Variants in DDX60L observed in about 807,000 individuals in gnomAD.
DDX60L encodes the protein DExD/H-box 60 like.
A neutral mutation model predicts 211.6 loss-of-function variants in DDX60L; 191 were observed. That is an observed-to-expected ratio of 0.90 (90% CI 0.80 to 1.02). The LOEUF is 1.02. Among genes scored for constraint, DDX60L ranks in the 50% least tolerant of loss-of-function variants. The pLI is 0.00. For synonymous variants in DDX60L, 706 were observed against 694.1 expected (o/e 1.02, Z -0.27); for missense variants, 2,007 against 1,984.1 (o/e 1.01, Z -0.22).
intron 5 of DDX60L, among the ~76,000 whole-genome samples, chr4:168,459,045 C>A (rs1756956675): frequency 6.6e-6 from 1 of 151,980 alleles, no homozygotes; most frequent in Admixed American, 6.6e-5. Flanking sequence ...CAATCCTGAA[C>A]AATTATCAAC....
intron 29 of DDX60L, among the ~76,000 whole-genome samples, chr4:168,388,848 T>C (rs1166628356): frequency 6.6e-6 from 1 of 152,062 alleles, no homozygotes; most frequent in African/African-American, 2.4e-5. Flanking sequence ...GTAGGCAGAA[T>C]CAAGGTAATG....
At chr4:168,472,425 GC>G in intron 3 of DDX60L, 29 bp downstream of exon 3, 2 of 1,466,012 alleles carry the variant, frequency 1.4e-6, no homozygotes, top group Non-Finnish European at 1.9e-6. Context: ...CAATAGTATA[GC>G]TCCTTCTTTT....
At chr4:168,394,953 AAG>A (rs908237981) in intron 27 of DDX60L, among the ~76,000 whole-genome samples, 19 of 152,260 alleles carry the variant, frequency 1.2e-4, no homozygotes, top group African/African-American at 4.6e-4. Flanking sequence ...TTTTCAAGCA[AAG>A]AGAGAGAGAC....
chr4:168,400,424 T>C (rs975912351), intron 26 of DDX60L, among the ~76,000 whole-genome samples: 3 of 152,174 alleles, frequency 2.0e-5, no homozygotes, highest in Admixed American at 1.3e-4. Flanking sequence ...TGTCTTTTGG[T>C]CTTTGAGGAA....
At chr4:168,422,802 G>A (rs962840739) in intron 15 of DDX60L, 132 bp from the exon 16 acceptor site, 2 of 691,496 alleles carry the variant, frequency 2.9e-6, no homozygotes, top group African/African-American at 3.6e-5. Flanking sequence ...TTGAGACAGG[G>A]TCTTTCTCTG....
chr4:168,467,170 T>TG (rs1345847943), intron 4 of DDX60L, among the ~76,000 whole-genome samples: 2 of 151,850 alleles, frequency 1.3e-5, no homozygotes, highest in Non-Finnish European at 2.9e-5. Flanking sequence ...ACACTCTGGG[T>TG]GGCCAAGATA....
chr4:168,455,922 C>T lies in DDX60L; in HGVS notation c.837+117G>A, dbSNP rs1361036435. 1.7e-5 allele frequency: 11 copies of T among 646,686 alleles called. No individual in the cohort carries two copies. In the East Asian group the frequency reaches 2.4e-4, roughly 14 times the overall value. 40.1% of individuals were successfully genotyped at this position (646,686 alleles called of 1,614,324 possible). On this transcript the variant is annotated intron_variant, in intron 7 of 37. Coordinates refer to ENST00000682922, the MANE Select transcript of DDX60L (RefSeq NM_001012967.3). ...GCTAAATTCCTAATGAAGAAAATGGCGGTCAGAAACCAAGAGTATGTCCAC... is the reference window on the plus strand; with the variant it reads ...GCTAAATTCCTAATGAAGAAAATGGTGGTCAGAAACCAAGAGTATGTCCAC...
chr4:168,399,627 A>C (rs1011911749), intron 26 of DDX60L, among the ~76,000 whole-genome samples: 12 of 152,232 alleles, frequency 7.9e-5, no homozygotes, highest in African/African-American at 2.9e-4. Flanking sequence ...AAGAAATTAC[A>C]CATGAGAAAG....
intron 37 of DDX60L, among the ~76,000 whole-genome samples, chr4:168,358,524 C>CTTTTTTTTTTTTTTTT (rs70961514): frequency 9.2e-6 from 1 of 108,306 alleles, no homozygotes; most frequent in African/African-American, 3.2e-5. Context: ...TTTTCTTTTT[C>CTTTTTTTTTTTTTTTT]TTTTTTTTTT....
At chr4:168,358,814 G>C (rs764081988) in intron 37 of DDX60L, among the ~76,000 whole-genome samples, 1 of 152,058 alleles carries the variant, frequency 6.6e-6, no homozygotes, top group African/African-American at 2.4e-5. Flanking sequence ...CACCGTGTCC[G>C]GCCACAGTTC....
At chr4:168,456,481 G>A (rs1487767580) in intron 6 of DDX60L, among the ~76,000 whole-genome samples, 1 of 152,182 alleles carries the variant, frequency 6.6e-6, no homozygotes, top group South Asian at 2.1e-4. Context: ...CTAAAAATCA[G>A]AGAAGTATAT....
intron 25 of DDX60L, among the ~76,000 whole-genome samples, chr4:168,403,013 T>C (rs1310473951): frequency 1.3e-5 from 2 of 152,214 alleles, no homozygotes; most frequent in Non-Finnish European, 2.9e-5. Context: ...CTTTCAGCCA[T>C]TCCTCAGTGA....
intron 1 of DDX60L, among the ~76,000 whole-genome samples, chr4:168,475,274 A>G (rs1194555908): frequency 6.6e-6 from 1 of 152,232 alleles, no homozygotes; most frequent in African/African-American, 2.4e-5. Flanking sequence ...GACGTAATGA[A>G]AACTGATTAA....
At chr4:168,479,343 T>C (rs899721214) in intron 1 of DDX60L, among the ~76,000 whole-genome samples, 15 of 152,212 alleles carry the variant, frequency 9.9e-5, no homozygotes, top group Non-Finnish European at 2.2e-4. Flanking sequence ...AACTTCAAAC[T>C]GCAAATCTTA....
chr4:168,457,060 T>A (rs111907914), intron 6 of DDX60L, among the ~76,000 whole-genome samples: 1,558 of 151,268 alleles, frequency 0.01, 31 homozygotes, highest in African/African-American at 0.036. Flanking sequence ...AAAATAAAAA[T>A]TAAAAATTAG....
intron 13 of DDX60L, among the ~76,000 whole-genome samples, chr4:168,427,912 G>A (rs1168417504): frequency 6.6e-6 from 1 of 152,214 alleles, no homozygotes; most frequent in Non-Finnish European, 1.5e-5. Flanking sequence ...TCAGTGTGGA[G>A]GCTGCTCCTA....
chr4:168,449,805 TAAAAAAAAAA>T (rs777111638), intron 8 of DDX60L, among the ~76,000 whole-genome samples: 3 of 77,772 alleles, frequency 3.9e-5, no homozygotes, highest in African/African-American at 8.8e-5. Context: ...TGGGTAAAAA[TAAAAAAAAAA>T]AAAAAAAAGA....
intron 26 of DDX60L, among the ~76,000 whole-genome samples, chr4:168,399,613 G>T (rs964343536): frequency 1.3e-5 from 2 of 152,172 alleles, no homozygotes; most frequent in African/African-American, 2.4e-5. Context: ...GGTGAACCTG[G>T]AACAAGAAAT....
chr4:168,442,969 C>A (rs371403923), intron 9 of DDX60L, among the ~76,000 whole-genome samples: 2 of 152,170 alleles, frequency 1.3e-5, no homozygotes, highest in African/African-American at 2.4e-5. Context: ...AAGCAGAGCG[C>A]CTCTCCTCCT....
Sources: allele counts gnomAD v4.1 joint callset (sites outside exome capture counted in the v4.1 genomes callset), GRCh38; gene constraint gnomAD v4.1.1; transcripts MANE v1.5; gene names NCBI Gene and HGNC (gene_info 2026-07-23, HGNC 2026-07-21).